The following CACNB2 variants were observed in gnomAD, a reference collection of about 807,000 sequenced individuals.
The protein encoded by CACNB2 is voltage-dependent L-type calcium channel subunit beta-2.
In CACNB2, 42 loss-of-function variants were observed where a neutral mutation model predicts 73.3. The observed-to-expected ratio is 0.57, with a 90% CI of 0.45 to 0.74. The LOEUF (loss-of-function observed/expected upper bound fraction) is 0.74. Ranked by LOEUF, CACNB2 falls within the 30% of genes least tolerant of loss-of-function variation. The pLI is 0.00. For missense variants in CACNB2, 940 were observed against 853.0 expected, an observed-to-expected ratio of 1.10 and a Z score of -1.27; for synonymous variants, 348 against 310.3, an observed-to-expected ratio of 1.12 and a Z score of -1.28.
intron 3 of CACNB2, among the ~76,000 whole-genome samples, chr10:18,432,119 G>A (rs1296427204): frequency 6.6e-6 from 1 of 152,142 alleles, no homozygotes; most frequent in East Asian, 1.9e-4. Context: ...AATAGAGATG[G>A]TGCTTCCAAG....
chr10:18,400,454 G>A, intron 2 of CACNB2: 5 of 391,984 alleles, frequency 1.3e-5, no homozygotes, highest in Non-Finnish European at 1.7e-5. Flanking sequence ...CACTTCGGAT[G>A]TAAAATGGCA....
intron 2 of CACNB2, among the ~76,000 whole-genome samples, chr10:18,168,545 T>C (rs2033023878): frequency 6.6e-6 from 1 of 151,978 alleles, no homozygotes; most frequent in Admixed American, 6.6e-5. Context: ...TTGCTGTTGT[T>C]GTTTTATGGA....
chr10:18,348,376 T>C (rs1182539034), intron 2 of CACNB2, among the ~76,000 whole-genome samples: 1 of 152,206 alleles, frequency 6.6e-6, no homozygotes, highest in Non-Finnish European at 1.5e-5. Flanking sequence ...TTAAGATACA[T>C]ATGTTTGGCA....
At chr10:18,295,188 A>G (rs573412793) in intron 2 of CACNB2, among the ~76,000 whole-genome samples, 6 of 152,368 alleles carry the variant, frequency 3.9e-5, no homozygotes, top group East Asian at 1.9e-4. Flanking sequence ...AATAGGACAC[A>G]GCACTTCCAA....
chr10:18,281,581 G>T (rs1451926386), intron 2 of CACNB2, among the ~76,000 whole-genome samples: 1 of 152,106 alleles, frequency 6.6e-6, no homozygotes, highest in East Asian at 1.9e-4. Flanking sequence ...CTAAATGGTG[G>T]GGTACTGTTT....
chr10:18,383,058 A>C (rs1226530545), intron 2 of CACNB2, among the ~76,000 whole-genome samples: 1 of 152,144 alleles, frequency 6.6e-6, no homozygotes, highest in Non-Finnish European at 1.5e-5. Context: ...GGAAATATGC[A>C]TGTTATATTA....
chr10:18,389,933 T>C (rs2043392056), intron 2 of CACNB2, among the ~76,000 whole-genome samples: 1 of 152,232 alleles, frequency 6.6e-6, no homozygotes. Flanking sequence ...TTTATTTATA[T>C]CAATTCATTT....
At chr10:18,160,595 G>A (rs2032388021) in intron 2 of CACNB2, among the ~76,000 whole-genome samples, 1 of 152,100 alleles carries the variant, frequency 6.6e-6, no homozygotes, top group African/African-American at 2.4e-5. Flanking sequence ...CTTAAATTCT[G>A]AATTTATAAA....
intron 2 of CACNB2, among the ~76,000 whole-genome samples, chr10:18,160,612 G>A (rs1016214961): frequency 2.0e-5 from 3 of 152,148 alleles, no homozygotes; most frequent in Non-Finnish European, 4.4e-5. Context: ...TAAAAAGCAT[G>A]TGTTTCAGAT....
At chr10:18,412,005 G>A (rs544744865) in intron 3 of CACNB2, among the ~76,000 whole-genome samples, 1 of 152,290 alleles carries the variant, frequency 6.6e-6, no homozygotes, top group South Asian at 2.1e-4. Flanking sequence ...TTTCTGGTTA[G>A]TTGGTGACCA....
rs571356172 is a variant in CACNB2 at position 18,503,773 on chromosome 10, A to G, written c.594-2698A>G. ...GAATTTTCTTGTCAAATGACTTGAG[A>G]AAGGGGTTCCAAGATGAAATAAATT... On this transcript the variant is annotated intron_variant, in intron 5 of 13. Coordinates refer to ENST00000324631, the MANE Select transcript of CACNB2 (RefSeq NM_201596.3). Among the ~76,000 whole-genome samples the G allele has an allele frequency of 3.3e-5, 5 of 152,302 alleles. No individual in the cohort carries two copies. In the East Asian group the frequency reaches 9.7e-4, roughly 29 times the overall value.
intron 2 of CACNB2, among the ~76,000 whole-genome samples, chr10:18,315,529 C>T (rs12253391): frequency 0.027 from 1,741 of 64,724 alleles, 98 homozygotes; most frequent in Middle Eastern, 0.064. Flanking sequence ...AAAAAAAAAA[C>T]TTTTTTTTTT....
At chr10:18,453,766 G>A (rs2047130201) in intron 3 of CACNB2, among the ~76,000 whole-genome samples, 1 of 152,214 alleles carries the variant, frequency 6.6e-6, no homozygotes, top group African/African-American at 2.4e-5. Context: ...AGTAGCTGGG[G>A]TCACAGGCGT....
At chr10:18,146,466 C>T (rs752194478) in intron 1 of CACNB2, among the ~76,000 whole-genome samples, 3 of 145,540 alleles carry the variant, frequency 2.1e-5, no homozygotes, top group South Asian at 2.3e-4. Context: ...CATGCCACCA[C>T]GGCCAGCTAA....
chr10:18,380,175 A>G (rs1357127455), intron 2 of CACNB2, among the ~76,000 whole-genome samples: 6 of 152,210 alleles, frequency 3.9e-5, no homozygotes, highest in South Asian at 2.1e-4. Context: ...CAATCAGGTT[A>G]AAGGTCATAT....
At chr10:18,450,131 G>T (rs1015122611) in intron 3 of CACNB2, among the ~76,000 whole-genome samples, 1 of 152,146 alleles carries the variant, frequency 6.6e-6, no homozygotes, top group African/African-American at 2.4e-5. Flanking sequence ...AAAACTATCC[G>T]GTTAATGTGC....
At chr10:18,366,791 C>CA (rs111469276) in intron 2 of CACNB2, among the ~76,000 whole-genome samples, 44,901 of 146,464 alleles carry the variant, frequency 0.31, 7,100 homozygotes, top group East Asian at 0.71. Context: ...GACTCCGTCT[C>CA]AAAAAAAAAA....
At chr10:18,189,293 T>C (rs970538091) in intron 2 of CACNB2, among the ~76,000 whole-genome samples, 2 of 152,198 alleles carry the variant, frequency 1.3e-5, no homozygotes, top group Non-Finnish European at 2.9e-5. Flanking sequence ...ACTAATCTAT[T>C]TAATGAGTAA....
intron 3 of CACNB2, among the ~76,000 whole-genome samples, chr10:18,495,544 ACTGTGTGTGTGTGTGTG>A (rs1439770282): frequency 8.1e-6 from 1 of 123,600 alleles, no homozygotes; most frequent in Admixed American, 8.3e-5. Flanking sequence ...AAGTATAAAA[ACTGTGTGTGTGTGTGTG>A]TGTGTGTGTG....
Sources: gnomAD v4.1 joint callset for allele counts (sites outside exome capture counted in the v4.1 genomes callset) on GRCh38, gnomAD v4.1.1 for gene constraint, MANE v1.5 for transcripts, NCBI Gene and HGNC (gene_info 2026-07-23, HGNC 2026-07-21) for gene names.